Variants in ANKRD28 observed in about 807,000 individuals in gnomAD.
The protein encoded by ANKRD28 is serine/threonine-protein phosphatase 6 regulatory ankyrin repeat subunit A.
In ANKRD28, 44 loss-of-function variants were observed where a neutral mutation model predicts 126.5. The ratio of observed to expected loss-of-function variants is 0.35; its 90% CI spans 0.27 to 0.45. The LOEUF (loss-of-function observed/expected upper bound fraction) is 0.45. Ranked by LOEUF, ANKRD28 falls within the 20% of genes least tolerant of loss-of-function variation. The pLI is 1.00. For missense variants in ANKRD28, 1,110 were observed against 1,316.6 expected (o/e 0.84, Z 2.43); for synonymous variants, 442 against 468.5 (o/e 0.94, Z 0.73).
In ANKRD28 at chr3:15,853,765, G is replaced by A. The variant is rs978363971; in HGVS notation, c.27+5612C>T. Among the ~76,000 whole-genome samples the A allele has an allele frequency of 5.3e-5, 8 of 152,040 alleles. No individual in the cohort carries two copies. Among genetic ancestry groups the A allele is most frequent in the East Asian group, 1.9e-4 (1 of 5,178 alleles). On this transcript the variant is annotated intron_variant, in intron 1 of 27. Coordinates refer to the ANKRD28 transcript ENST00000399451. This position sits in a 1 kb window ranked among gnomAD's most constrained non-coding sequence, Gnocchi z 4.2. The stretch of plus-strand genomic sequence containing the variant: ...ATTACAGGCATGAGCCACCGCGCCC[G>A]GCCCTAAAATCAATGTTTAATTGTA...
At chr3:15,775,295 T>C (rs2059206908) in intron 2 of ANKRD28, among the ~76,000 whole-genome samples, 2 of 152,364 alleles carry the variant, frequency 1.3e-5, no homozygotes, top group Non-Finnish European at 1.5e-5. Context: ...TACAACTATG[T>C]AGGAGGAAAA....
intron 1 of ANKRD28, among the ~76,000 whole-genome samples, chr3:15,834,818 T>G (rs533177178): frequency 1.8e-4 from 27 of 152,338 alleles, no homozygotes; most frequent in Admixed American, 1.6e-3. Flanking sequence ...ACCAAATATA[T>G]TTTTTAAAAG....
rs539530662 is a variant in ANKRD28 at position 15,668,073 on chromosome 3, G to A, written c.*2197C>T. On this transcript the variant is annotated 3_prime_UTR_variant, in exon 28 of 28. Coordinates refer to ENST00000683139, the MANE Select transcript of ANKRD28 (RefSeq NM_001349278.2). ...CCCAGGCCCAAAGACAGAAGTTACC[G>A]GGAGGGAGGCTTCAACTCCATCTAA... The A allele has an allele frequency of 2.6e-5, 4 of 152,298 alleles. No individual in the cohort carries two copies. The highest frequency in any genetic ancestry group is 4.8e-5 in the African/African-American group (2 of 41,540). The allele number at this position is 152,298 out of a possible 1,614,324, so 9.4% of individuals were successfully genotyped here.
At position 15,695,173 on chromosome 3, in the gene ANKRD28, T is replaced by C. The variant is rs73817066; in HGVS notation, c.1686+15A>G. The C allele has an allele frequency of 8.7e-5, 139 of 1,589,384 alleles. 2 individuals are homozygous for C. The South Asian group carries it at 1.0e-3, about 12-fold the overall frequency. On this transcript the variant is annotated intron_variant, in intron 16 of 27. Coordinates refer to ENST00000683139, the MANE Select transcript of ANKRD28 (RefSeq NM_001349278.2). The stretch of plus-strand genomic sequence containing the variant: ...ACCAATACTAATTGGTGGGAGGGAA[T>C]TGACTAATACTTACAACATCTAGAG...
rs201348489 is a variant in ANKRD28, at chr3:15,713,537, C to T, written c.1180G>A (p.Asp394Asn). 15 of 1,611,086 alleles carry T rather than the reference C, an allele frequency of 9.3e-6. No homozygotes were observed. The East Asian group carries it at 2.7e-4, about 29-fold the overall frequency. ...TCGGTAAGTACTTACTTTGCAGTGT[C>T]AGCACCACTTGTAATAAGAGTGTTG... Reference protein sequence around the residue: ...LINTLITSGADTAKRGIHGMF... With the variant: ...LINTLITSGANTAKRGIHGMF... The change falls in exon 10 of 28, where the codon GAC becomes AAC. Residue 394 changes from aspartate (D) to asparagine (N), a missense_variant. Asp to Asn is a conservative substitution (Grantham distance 23). Coordinates refer to ENST00000683139, the MANE Select transcript of ANKRD28 (RefSeq NM_001349278.2).
chr3:15,766,091 T>A, intron 3 of ANKRD28, 143 bp downstream of exon 3: 1 of 614,292 alleles, frequency 1.6e-6, no homozygotes, highest in Non-Finnish European at 2.8e-6. Flanking sequence ...TCAGTATTTA[T>A]GGAATGAATA....
chr3:15,824,410 C>T (rs1264179835), intron 1 of ANKRD28, among the ~76,000 whole-genome samples: 1 of 152,100 alleles, frequency 6.6e-6, no homozygotes, highest in Non-Finnish European at 1.5e-5. Context: ...CCTGCCTCGG[C>T]CTCCCATAGT....
intron 2 of ANKRD28, among the ~76,000 whole-genome samples, chr3:15,793,852 G>T (rs2060146404): frequency 6.6e-6 from 1 of 152,166 alleles, no homozygotes; most frequent in Non-Finnish European, 1.5e-5. Context: ...GATCACCTGA[G>T]ATCAGGAGTT....
In ANKRD28 at chr3:15,703,915, A is replaced by G. The variant is rs116645353; in HGVS notation, c.1547+4009T>C. The stretch of plus-strand genomic sequence containing the variant: ...TTAAGGCTGTGAGGGACATAAAATA[A>G]TCTACATACACACAGAGCAATATAA... On this transcript the variant is annotated intron_variant, in intron 14 of 27. Transcript: ENST00000683139. Among the ~76,000 whole-genome samples, 1,293 of 152,278 alleles carry G rather than the reference A, an allele frequency of 8.5e-3. 17 individuals are homozygous for G. The highest frequency in any genetic ancestry group is 0.029 in the African/African-American group (1,210 of 41,544).
rs144218103 is a variant in ANKRD28, at chr3:15,711,125, GAATT to G, written c.1337+82_1337+85del. 7.5e-4 allele frequency: 887 copies of G among 1,186,080 alleles called. 17 individuals carry two copies. In the East Asian group the frequency reaches 0.022, roughly 29 times the overall value. 73.5% of individuals were successfully genotyped at this position (1,186,080 alleles called of 1,614,324 possible). A position where few individuals can be genotyped will look rare whatever the true frequency, so the allele number is the denominator to read the frequency against. On this transcript the variant is annotated intron_variant, in intron 12 of 27. Transcript: ENST00000683139. ...TTGTTTTCTATTTTCTGGCAGCCCA[GAATT>G]AATAAAAAAGAACAAAGATAAGAGA...
At chr3:15,762,812 T>C (rs1350386258) in intron 3 of ANKRD28, among the ~76,000 whole-genome samples, 1 of 152,238 alleles carries the variant, frequency 6.6e-6, no homozygotes, top group African/African-American at 2.4e-5. Flanking sequence ...GGGACTTTTC[T>C]AGGTATCTTA....
rs75279705 is a variant in ANKRD28, at chr3:15,739,652, A to C, written c.352-2419T>G. Among the ~76,000 whole-genome samples the C allele has an allele frequency of 8.3e-3, 1,261 of 152,344 alleles. 19 individuals carry two copies. Among genetic ancestry groups the C allele is most frequent in the African/African-American group, 0.029 (1,203 of 41,568 alleles). On this transcript the variant is annotated intron_variant, in intron 4 of 27. Coordinates refer to ENST00000683139, the MANE Select transcript of ANKRD28 (RefSeq NM_001349278.2). ...TATAAAGCACAATAAACTAATGTAC[A>C]TGAAAAGTGTTAGAAAGTGAAAATA... is the stretch of plus-strand genomic sequence containing the variant.
intron 27 of ANKRD28, 52 bp from the exon 28 acceptor site, chr3:15,670,608 C>T (rs1048461743): frequency 5.1e-5 from 78 of 1,540,396 alleles, no homozygotes; most frequent in Non-Finnish European, 6.5e-5. Context: ...TGTATTTCAC[C>T]AAAGACAAGG....
chr3:15,693,318 A>C (rs1260807383), intron 17 of ANKRD28, among the ~76,000 whole-genome samples: 1 of 151,054 alleles, frequency 6.6e-6, no homozygotes, highest in Non-Finnish European at 1.5e-5. Flanking sequence ...AAAAATAGTA[A>C]TGGGGGGGCA....
At chr3:15,803,820 A>G (rs1004187273) in intron 1 of ANKRD28, among the ~76,000 whole-genome samples, 4 of 144,006 alleles carry the variant, frequency 2.8e-5, no homozygotes, top group Non-Finnish European at 4.5e-5. Flanking sequence ...TGTTACATCA[A>G]TATCTAAGGT....
At chr3:15,809,717 T>G (rs2060667983) in intron 1 of ANKRD28, among the ~76,000 whole-genome samples, 1 of 152,206 alleles carries the variant, frequency 6.6e-6, no homozygotes, top group Admixed American at 6.5e-5. Flanking sequence ...GTTGGATTTC[T>G]GTCATTTGTA....
intron 6 of ANKRD28, among the ~76,000 whole-genome samples, chr3:15,726,034 CTCTG>C (rs558396739): frequency 1.6e-4 from 24 of 152,208 alleles, no homozygotes; most frequent in African/African-American, 5.5e-4. Context: ...CAGAGTGAAA[CTCTG>C]TCTCCAAAAA....
chr3:15,798,090 C>G, upstream of ANKRD28: 2 of 985,340 alleles, frequency 2.0e-6, no homozygotes, highest in South Asian at 9.4e-5. Flanking sequence ...CCAAATCAAA[C>G]TAAAAAATTC....
At position 15,671,706 on chromosome 3, in the gene ANKRD28, C is replaced by A. The variant is rs140432582; in HGVS notation, c.2966-1150G>T. Among the ~76,000 whole-genome samples, 1,207 of 151,764 alleles carry A rather than the reference C, an allele frequency of 8.0e-3. 10 individuals are homozygous for A. Among genetic ancestry groups the A allele is most frequent in the Non-Finnish European group, 0.013 (864 of 67,968 alleles). On this transcript the variant is annotated intron_variant, in intron 27 of 27. Transcript: ENST00000683139. ...TCAAGTGATTCACCTGCCTCAGCCT[C>A]CTGAGTAGCTGGGATTACACGTGTG... is the stretch of plus-strand genomic sequence containing the variant.
Sources: allele counts gnomAD v4.1 joint callset (sites outside exome capture counted in the v4.1 genomes callset), GRCh38; gene constraint gnomAD v4.1.1; non-coding constraint Gnocchi (gnomAD v3.1); transcripts MANE v1.5; gene names NCBI Gene and HGNC (gene_info 2026-07-23, HGNC 2026-07-21).